Variants in LUZP2 observed in about 807,000 individuals in gnomAD.
The protein encoded by LUZP2 is leucine zipper protein 2.
LUZP2 carries 52 observed loss-of-function variants against 51.6 expected under a neutral mutation model. That is an observed-to-expected ratio of 1.01 (90% CI 0.81 to 1.27). LUZP2 has a LOEUF of 1.27. LUZP2 is among the 50% of genes most tolerant of loss of function. The pLI is 0.00. For missense variants in LUZP2, 436 were observed against 395.4 expected, an observed-to-expected ratio of 1.10 and a Z score of -0.87; for synonymous variants, 154 against 137.3, an observed-to-expected ratio of 1.12 and a Z score of -0.85.
At chr11:24,634,181 G>A (rs1854994667) in intron 1 of LUZP2, among the ~76,000 whole-genome samples, 1 of 151,850 alleles carries the variant, frequency 6.6e-6, no homozygotes, top group South Asian at 2.1e-4. Flanking sequence ...GTTCATGTAT[G>A]ACTTAGAAAA....
chr11:24,903,387 A>T (rs1853338379), intron 5 of LUZP2, among the ~76,000 whole-genome samples: 1 of 152,178 alleles, frequency 6.6e-6, no homozygotes, highest in South Asian at 2.1e-4. Context: ...TCCAAATTTT[A>T]GCTAAAGAGG....
intron 1 of LUZP2, among the ~76,000 whole-genome samples, chr11:24,637,453 A>G (rs1354516146): frequency 6.6e-6 from 1 of 151,864 alleles, no homozygotes; most frequent in African/African-American, 2.4e-5. Flanking sequence ...CTATTTTCAG[A>G]GAACAAGGAA....
chr11:24,940,232 T>C (rs1438146179), intron 7 of LUZP2, among the ~76,000 whole-genome samples: 1 of 152,184 alleles, frequency 6.6e-6, no homozygotes, highest in East Asian at 1.9e-4. Context: ...ATATTGCTGC[T>C]TAATGGAGTG....
chr11:24,715,955 C>T (rs1480812933), intron 1 of LUZP2, among the ~76,000 whole-genome samples: 1 of 151,972 alleles, frequency 6.6e-6, no homozygotes, highest in Non-Finnish European at 1.5e-5. Context: ...TACTATCTGT[C>T]TTTGGAAAAA....
chr11:24,862,276 G>A (rs1053134201), intron 5 of LUZP2, among the ~76,000 whole-genome samples: 1 of 152,144 alleles, frequency 6.6e-6, no homozygotes, highest in Admixed American at 6.5e-5. Context: ...TTTCAACCCA[G>A]AATTTTATAT....
At chr11:24,672,471 A>C (rs533789897) in intron 1 of LUZP2, among the ~76,000 whole-genome samples, 5 of 152,270 alleles carry the variant, frequency 3.3e-5, no homozygotes, top group Admixed American at 3.3e-4. Context: ...ATTGTATTTA[A>C]TTGTATAAAT....
At position 24,999,583 on chromosome 11, in the gene LUZP2, G is replaced by A. The variant is rs953265065; in HGVS notation, c.765+16290G>A. ...GAGTTTTACCATGTTGACCAGGATG[G>A]TCTTAATCCCTTGACCTCGTGATCT... On this transcript the variant is annotated intron_variant, in intron 9 of 11. Coordinates refer to ENST00000336930, the MANE Select transcript of LUZP2 (RefSeq NM_001009909.4). Among the ~76,000 whole-genome samples the A allele has an allele frequency of 5.0e-4, 75 of 150,994 alleles. 2 individuals are homozygous for A. The highest frequency in any genetic ancestry group is 2.1e-4 in the Non-Finnish European group (14 of 67,736).
intron 9 of LUZP2, among the ~76,000 whole-genome samples, chr11:25,018,756 T>C (rs966191098): frequency 8.6e-5 from 13 of 151,858 alleles, no homozygotes; most frequent in Non-Finnish European, 1.5e-4. Context: ...TACAGGTGCA[T>C]GCCACCATGC....
chr11:24,497,766 C>T (rs1463658214), intron 1 of LUZP2, among the ~76,000 whole-genome samples: 2 of 152,112 alleles, frequency 1.3e-5, no homozygotes, highest in African/African-American at 4.8e-5. Flanking sequence ...CAGATTAATC[C>T]TGGAAGATGC....
At chr11:25,027,667 C>G (rs965764980) in intron 9 of LUZP2, among the ~76,000 whole-genome samples, 2 of 151,846 alleles carry the variant, frequency 1.3e-5, no homozygotes, top group Non-Finnish European at 2.9e-5. Context: ...GTCAGGAGGT[C>G]AAGATCAGCC....
chr11:24,711,455 AAATAAAT>A (rs1857822343), intron 1 of LUZP2, among the ~76,000 whole-genome samples: 1 of 45,322 alleles, frequency 2.2e-5, no homozygotes, highest in Non-Finnish European at 6.6e-5. Flanking sequence ...ATCTCAAAAT[AAATAAAT>A]AAATAAATAA....
chr11:24,593,581 C>T (rs1853328829), intron 1 of LUZP2, among the ~76,000 whole-genome samples: 1 of 152,224 alleles, frequency 6.6e-6, no homozygotes, highest in East Asian at 1.9e-4. Context: ...ATTTAGCACT[C>T]AAAATCACAT....
intron 5 of LUZP2, among the ~76,000 whole-genome samples, chr11:24,811,552 TA>T (rs1249480535): frequency 5.3e-5 from 8 of 152,066 alleles, no homozygotes; most frequent in Non-Finnish European, 1.0e-4. Context: ...GTTACATAGA[TA>T]AATTATGTGT....
At chr11:24,579,160 A>C (rs956627838) in intron 1 of LUZP2, among the ~76,000 whole-genome samples, 2 of 152,154 alleles carry the variant, frequency 1.3e-5, no homozygotes, top group Non-Finnish European at 2.9e-5. Context: ...TCTTGAAAAT[A>C]CATATAAATG....
At chr11:24,861,163 G>C (rs1851729593) in intron 5 of LUZP2, among the ~76,000 whole-genome samples, 1 of 152,090 alleles carries the variant, frequency 6.6e-6, no homozygotes. Flanking sequence ...GCATATACAA[G>C]TATCAACAGA....
chr11:25,000,187 A>C (rs993156299), intron 9 of LUZP2, among the ~76,000 whole-genome samples: 9 of 152,184 alleles, frequency 5.9e-5, no homozygotes, highest in African/African-American at 2.2e-4. Context: ...CTTTAGCTAG[A>C]CACAGAGTGC....
intron 1 of LUZP2, among the ~76,000 whole-genome samples, chr11:24,621,759 C>T (rs12574036): frequency 0.17 from 25,400 of 152,122 alleles, 2,233 homozygotes; most frequent in East Asian, 0.24. Context: ...GCTTTCTCTT[C>T]CTCTTAATAG....
intron 5 of LUZP2, among the ~76,000 whole-genome samples, chr11:24,841,858 T>G (rs369600636): frequency 4.3e-4 from 65 of 152,232 alleles, no homozygotes; most frequent in African/African-American, 1.5e-3. Context: ...AGACATTTTT[T>G]CTGCCTCTGC....
At chr11:24,938,164 T>C (rs958480126) in intron 7 of LUZP2, among the ~76,000 whole-genome samples, 3 of 152,134 alleles carry the variant, frequency 2.0e-5, no homozygotes, top group Non-Finnish European at 4.4e-5. Flanking sequence ...TTTTAGTATT[T>C]TTGTGGAAAT....
Sources: gnomAD v4.1 joint callset for allele counts (sites outside exome capture counted in the v4.1 genomes callset) on GRCh38, gnomAD v4.1.1 for gene constraint, MANE v1.5 for transcripts, NCBI Gene and HGNC (gene_info 2026-07-23, HGNC 2026-07-21) for gene names.